SLC4A4: variants seen among roughly 807,000 people sequenced by gnomAD.
The protein encoded by SLC4A4 is electrogenic sodium bicarbonate cotransporter 1.
In SLC4A4, 27 loss-of-function variants were observed where a neutral mutation model predicts 111.5. The ratio of observed to expected loss-of-function variants is 0.24; its 90% CI spans 0.18 to 0.33. The LOEUF (loss-of-function observed/expected upper bound fraction) is 0.33, where lower values mean the gene tolerates loss of function less well. Ranked by LOEUF, SLC4A4 falls within the 10% of genes least tolerant of loss-of-function variation. The probability of loss-of-function intolerance (pLI) is 1.00; values close to 1 mark genes in which losing one functional copy is unlikely to be tolerated. For synonymous variants in SLC4A4, 443 were observed against 463.4 expected, an observed-to-expected ratio of 0.96 and a Z score of 0.57; for missense variants, 909 against 1,315.5, an observed-to-expected ratio of 0.69 and a Z score of 4.78.
chr4:71,144,615 T>G (rs1002439678), intron 2 of SLC4A4, among the ~76,000 whole-genome samples: 3 of 151,504 alleles, frequency 2.0e-5, no homozygotes, highest in African/African-American at 7.3e-5. Context: ...TATCCTCTTT[T>G]ATTTCATTGA....
chr4:71,513,380 T>G (rs114575481), intron 16 of SLC4A4, among the ~76,000 whole-genome samples: 2 of 152,204 alleles, frequency 1.3e-5, no homozygotes. Context: ...TTTTATTTTA[T>G]TGTATTGTAT....
intron 17 of SLC4A4, 72 bp downstream of exon 17, chr4:71,532,247 T>G: frequency 1.1e-6 from 1 of 923,616 alleles, no homozygotes; most frequent in Non-Finnish European, 1.8e-6. Flanking sequence ...TAATTTATTG[T>G]GTTTCTCTTT....
At chr4:71,269,581 T>A (rs1722546951) in intron 3 of SLC4A4, among the ~76,000 whole-genome samples, 1 of 152,206 alleles carries the variant, frequency 6.6e-6, no homozygotes, top group South Asian at 2.1e-4. Flanking sequence ...ATTGCGTGTC[T>A]TTGCCTAGCA....
intron 2 of SLC4A4, among the ~76,000 whole-genome samples, chr4:71,154,789 A>G (rs956086562): frequency 6.6e-6 from 1 of 152,346 alleles, no homozygotes; most frequent in South Asian, 2.1e-4. Context: ...ATGCCAATTA[A>G]GGAAAGATGA....
chr4:71,393,012 G>A (rs528719628), intron 6 of SLC4A4, among the ~76,000 whole-genome samples: 16 of 152,074 alleles, frequency 1.1e-4, no homozygotes, highest in Admixed American at 2.0e-4. Context: ...TACAAGGGAC[G>A]TACCTCAATG....
At chr4:71,365,128 T>A (rs1731129041) in intron 6 of SLC4A4, among the ~76,000 whole-genome samples, 1 of 152,232 alleles carries the variant, frequency 6.6e-6, no homozygotes, top group African/African-American at 2.4e-5. Context: ...AACATATTTT[T>A]AAATTTTACT....
chr4:71,165,731 A>T (rs1038971631), intron 2 of SLC4A4, among the ~76,000 whole-genome samples: 4 of 146,574 alleles, frequency 2.7e-5, no homozygotes, highest in Non-Finnish European at 4.4e-5. Context: ...TTTAACTAAT[A>T]AAAAAAACAT....
At position 71,343,313 on chromosome 4, in the gene SLC4A4, A is replaced by G. The variant is rs75364297; in HGVS notation, c.389+3808A>G. On this transcript the variant is annotated intron_variant, in intron 4 of 25. Transcript: ENST00000264485. ...AAAGACCCAAGGTACCCAGAATGCC[A>G]TTGATAAAGCTTAGAAGGGGACCTA... 2.3e-3 allele frequency among the ~76,000 whole-genome samples: 355 copies of G among 152,326 alleles called. 14 individuals carry two copies. In the East Asian group the frequency reaches 0.056, roughly 24 times the overall value.
intron 4 of SLC4A4, among the ~76,000 whole-genome samples, chr4:71,344,973 C>G (rs1729198688): frequency 6.6e-6 from 1 of 152,090 alleles, no homozygotes; most frequent in Non-Finnish European, 1.5e-5. Flanking sequence ...AGTAGTTATA[C>G]TATGAACAAG....
chr4:71,348,901 T>C (rs1729569880), intron 4 of SLC4A4, among the ~76,000 whole-genome samples: 1 of 152,204 alleles, frequency 6.6e-6, no homozygotes, highest in African/African-American at 2.4e-5. Context: ...TCATTAAGCC[T>C]TTGGGTGAAG....
At chr4:71,174,232 T>A (rs1435858422) in intron 2 of SLC4A4, among the ~76,000 whole-genome samples, 1 of 151,660 alleles carries the variant, frequency 6.6e-6, no homozygotes, top group Non-Finnish European at 1.5e-5. Flanking sequence ...TCACTCAAAA[T>A]TAGGCTCAAT....
chr4:71,519,307 C>T (rs1307016311), intron 16 of SLC4A4, among the ~76,000 whole-genome samples: 1 of 152,158 alleles, frequency 6.6e-6, no homozygotes, highest in Non-Finnish European at 1.5e-5. Context: ...ACTCTTCAGA[C>T]TTAAAGAAAT....
At position 71,291,129 on chromosome 4, in the gene SLC4A4, G is replaced by T. The variant is rs141887550; in HGVS notation, c.253+35730G>T. Among the ~76,000 whole-genome samples the T allele has an allele frequency of 5.2e-3, 788 of 152,258 alleles. 4 individuals are homozygous for T. The highest frequency in any genetic ancestry group is 9.3e-3 in the Non-Finnish European group (630 of 68,014). Reference sequence around the variant, plus strand: ...ACAGTCTAGTTGAATAAATGGAGGTGATAAGTTAGATATGGTGAAGAACTC... The same window carrying T: ...ACAGTCTAGTTGAATAAATGGAGGTTATAAGTTAGATATGGTGAAGAACTC... On this transcript the variant is annotated intron_variant, in intron 3 of 25. Transcript: ENST00000264485.
intron 2 of SLC4A4, among the ~76,000 whole-genome samples, chr4:71,148,863 T>C (rs1440740830): frequency 6.6e-6 from 1 of 152,220 alleles, no homozygotes; most frequent in Admixed American, 6.5e-5. Flanking sequence ...TGCATGCCTG[T>C]GTCTTTATAA....
rs115547684 is a variant in SLC4A4 at position 71,525,397 on chromosome 4, T to C, written c.2167-6665T>C. The stretch of plus-strand genomic sequence containing the variant: ...AAACTAGTCTGATATAAAAAAGGCA[T>C]TACAGTCTTAACTGAGACATGCTTC... On this transcript the variant is annotated intron_variant, in intron 16 of 25. Transcript: ENST00000264485. Among the ~76,000 whole-genome samples the C allele has an allele frequency of 6.9e-3, 1,050 of 152,260 alleles. 17 individuals are homozygous for C. Among genetic ancestry groups the C allele is most frequent in the African/African-American group, 0.021 (876 of 41,570 alleles).
intron 7 of SLC4A4, among the ~76,000 whole-genome samples, chr4:71,399,429 G>A (rs1276976471): frequency 3.4e-5 from 5 of 147,360 alleles, no homozygotes; most frequent in Non-Finnish European, 7.5e-5. Context: ...CCATTCTCCC[G>A]TCCCTTCCCC....
chr4:71,306,373 G>C (rs1417689013), intron 3 of SLC4A4, among the ~76,000 whole-genome samples: 3 of 152,144 alleles, frequency 2.0e-5, no homozygotes, highest in Non-Finnish European at 4.4e-5. Flanking sequence ...ATGAGGTCAA[G>C]AGATTGAGAC....
At position 71,570,192 on chromosome 4, in the gene SLC4A4, C is replaced by G. The variant is rs1737835591; in HGVS notation, c.*2441C>G. ...ATCAAGTATCTGTGGTTTCATGCCC[C>G]TCTCTATACCTTTCAAAGAACTCCT... On this transcript the variant is annotated 3_prime_UTR_variant, in exon 26 of 26. Coordinates refer to ENST00000264485, the MANE Select transcript of SLC4A4 (RefSeq NM_001098484.3). 1 of 151,768 alleles carries G rather than the reference C, an allele frequency of 6.6e-6. No homozygotes were observed. The highest frequency in any genetic ancestry group is 2.1e-4 in the South Asian group (1 of 4,812). The allele number at this position is 151,768 out of a possible 1,614,324, so 9.4% of individuals were successfully genotyped here.
chr4:71,518,484 C>T (rs779593008), intron 16 of SLC4A4, among the ~76,000 whole-genome samples: 2 of 148,718 alleles, frequency 1.3e-5, no homozygotes, highest in Non-Finnish European at 3.0e-5. Context: ...AAGTCTGGGG[C>T]TCTCTGGGCT....
Sources: allele counts gnomAD v4.1 joint callset (sites outside exome capture counted in the v4.1 genomes callset), GRCh38; gene constraint gnomAD v4.1.1; transcripts MANE v1.5; gene names NCBI Gene and HGNC (gene_info 2026-07-23, HGNC 2026-07-21).